TOM1L1: variants seen among roughly 807,000 people sequenced by gnomAD.
TOM1L1 encodes target of myb1 like 1 membrane trafficking protein.
In TOM1L1, 64 loss-of-function variants were observed where a neutral mutation model predicts 63.4. The observed-to-expected ratio is 1.01, with a 90% CI of 0.83 to 1.24. TOM1L1 has a LOEUF of 1.24. Ranked by LOEUF, TOM1L1 falls within the 50% of genes most tolerant of loss-of-function variation. The pLI, the probability that TOM1L1 is intolerant of heterozygous loss-of-function variation, is 0.00. For missense variants in TOM1L1, 536 were observed against 567.0 expected, an observed-to-expected ratio of 0.95 and a Z score of 0.55; for synonymous variants, 166 against 194.4, an observed-to-expected ratio of 0.85 and a Z score of 1.22.
chr17:54,913,650 T>C (rs1391079911), intron 4 of TOM1L1, 98 bp from the exon 5 acceptor site: 1 of 1,301,570 alleles, frequency 7.7e-7, no homozygotes, highest in Non-Finnish European at 1.0e-6. Flanking sequence ...CGGGCAATAG[T>C]GTGAGACTCT....
chr17:54,913,360 C>T (rs926769029), intron 4 of TOM1L1, among the ~76,000 whole-genome samples: 2 of 152,066 alleles, frequency 1.3e-5, no homozygotes, highest in African/African-American at 4.8e-5. Flanking sequence ...TATTTTCTAT[C>T]AGGAGCTTAA....
intron 14 of TOM1L1, chr17:54,958,402 T>C (rs1385582575): frequency 3.9e-5 from 6 of 152,234 alleles, no homozygotes; most frequent in Admixed American, 3.9e-4. Context: ...TAAGTACAGA[T>C]AACTTCTTAG....
At chr17:54,909,557 T>C (rs2048464879) in intron 3 of TOM1L1, among the ~76,000 whole-genome samples, 1 of 152,224 alleles carries the variant, frequency 6.6e-6, no homozygotes, top group Non-Finnish European at 1.5e-5. Flanking sequence ...TGCTAGGAAG[T>C]TCTCCATGGA....
chr17:54,937,344 C>A, intron 10 of TOM1L1, 118 bp downstream of exon 10: 1 of 832,242 alleles, frequency 1.2e-6, no homozygotes, highest in Non-Finnish European at 2.0e-6. Context: ...AATGTCAGAG[C>A]GCTATGTTAG....
At chr17:54,926,124 G>T (rs1427801125) in intron 7 of TOM1L1, among the ~76,000 whole-genome samples, 2 of 152,140 alleles carry the variant, frequency 1.3e-5, no homozygotes, top group Non-Finnish European at 2.9e-5. Flanking sequence ...AACTAAGAGG[G>T]TCTTGCTCTT....
intron 7 of TOM1L1, among the ~76,000 whole-genome samples, chr17:54,927,631 G>A (rs1415575575): frequency 6.6e-6 from 1 of 152,180 alleles, no homozygotes; most frequent in African/African-American, 2.4e-5. Flanking sequence ...ATGGACATAT[G>A]CACCAGCAGC....
At chr17:54,904,628 A>C (rs915607823) in intron 2 of TOM1L1, among the ~76,000 whole-genome samples, 2 of 152,186 alleles carry the variant, frequency 1.3e-5, no homozygotes, top group Non-Finnish European at 2.9e-5. Flanking sequence ...TTCTTATAGC[A>C]TGTGCTATCG....
intron 4 of TOM1L1, 83 bp from the exon 5 acceptor site, chr17:54,913,665 C>CAA (rs58570485): frequency 0.011 from 11,853 of 1,071,392 alleles, 17 homozygotes; most frequent in African/African-American, 0.037. Context: ...GACTCTGTCT[C>CAA]AAAAAAAAAA....
chr17:54,920,511 A>AT (rs1567826220), intron 7 of TOM1L1, among the ~76,000 whole-genome samples: 1 of 152,228 alleles, frequency 6.6e-6, no homozygotes, highest in Non-Finnish European at 1.5e-5. Context: ...CAGTGAGACT[A>AT]TTCAGTGCCT....
intron 8 of TOM1L1, 149 bp from the exon 9 acceptor site, chr17:54,936,500 A>G: frequency 1.6e-6 from 1 of 640,598 alleles, no homozygotes; most frequent in Non-Finnish European, 2.6e-6. Context: ...AAGCTGGAAA[A>G]AGGTTATTAA....
rs2048560814 is a variant in TOM1L1, at chr17:54,914,833, T to C, written c.603+90T>C. 16 of 1,018,584 alleles carry C rather than the reference T, an allele frequency of 1.6e-5. No homozygotes were observed. In the South Asian group the frequency reaches 2.1e-4, roughly 13 times the overall value. 63.1% of individuals were successfully genotyped at this position (1,018,584 alleles called of 1,614,324 possible). On this transcript the variant is annotated intron_variant, in intron 6 of 15. Coordinates refer to ENST00000575882, the MANE Select transcript of TOM1L1 (RefSeq NM_005486.3). The stretch of plus-strand genomic sequence containing the variant: ...GTTTGTCTTTTCTGGTTAACAACAT[T>C]GAGATGTAGGTACACTCATTTCACA...
At chr17:54,933,362 TCC>T in intron 8 of TOM1L1, among the ~76,000 whole-genome samples, 1 of 152,302 alleles carries the variant, frequency 6.6e-6, no homozygotes, top group South Asian at 2.1e-4. Context: ...CCAGATAATC[TCC>T]CAATTAAGGG....
intron 14 of TOM1L1, chr17:54,953,564 C>G (rs2049342460): frequency 6.6e-6 from 1 of 152,272 alleles, no homozygotes; most frequent in Non-Finnish European, 1.5e-5. Context: ...TTTGGACATT[C>G]CCTTTCCTAG....
chr17:54,955,530 T>C (rs1598077228), intron 14 of TOM1L1, among the ~76,000 whole-genome samples: 1 of 152,138 alleles, frequency 6.6e-6, no homozygotes, highest in East Asian at 1.9e-4. Context: ...TGCCACAGAC[T>C]AAGGGTAGAA....
intron 14 of TOM1L1, among the ~76,000 whole-genome samples, chr17:54,951,504 GA>G (rs2049236514): frequency 6.6e-6 from 1 of 152,220 alleles, no homozygotes; most frequent in Admixed American, 6.5e-5. Flanking sequence ...TGGGGCAGGT[GA>G]AAGGAGGACT....
chr17:54,931,949 G>GTTTTTTTTTT (rs10632110), intron 8 of TOM1L1, among the ~76,000 whole-genome samples: 29 of 121,470 alleles, frequency 2.4e-4, no homozygotes, highest in African/African-American at 8.7e-4. Context: ...TTTTTTCTTC[G>GTTTTTTTTTT]TTTTTTTTTT....
Position 54,913,661 on chromosome 17 carries a change from G to C in TOM1L1, c.373-87G>C, listed in dbSNP as rs553689399. ...AGCCCGGGCAATAGTGTGAGACTCT[G>C]TCTCAAAAAAAAAAAAAAAAAAAAG... is the stretch of plus-strand genomic sequence containing the variant. On this transcript the variant is annotated intron_variant, in intron 4 of 15. Transcript: ENST00000575882. 2.7e-5 allele frequency: 33 copies of C among 1,202,688 alleles called. No homozygotes were observed. The African/African-American group carries it at 5.3e-4, about 19-fold the overall frequency. The allele number at this position is 1,202,688 out of a possible 1,614,324, so 74.5% of individuals were successfully genotyped here.
chr17:54,907,202 A>G (rs920427270), intron 3 of TOM1L1, among the ~76,000 whole-genome samples: 2 of 144,076 alleles, frequency 1.4e-5, no homozygotes, highest in African/African-American at 5.3e-5. Flanking sequence ...CTTGAAGGTC[A>G]CAGAATGGAG....
intron 3 of TOM1L1, 118 bp from the exon 4 acceptor site, chr17:54,912,548 A>T: frequency 1.2e-6 from 1 of 857,936 alleles, no homozygotes; most frequent in Non-Finnish European, 1.7e-6. Context: ...AGTAGATACT[A>T]AATTATGTTT....
Sources: gnomAD v4.1 joint callset for allele counts (sites outside exome capture counted in the v4.1 genomes callset) on GRCh38, gnomAD v4.1.1 for gene constraint, MANE v1.5 for transcripts, NCBI Gene and HGNC (gene_info 2026-07-23, HGNC 2026-07-21) for gene names.